PXDN: variants seen among roughly 807,000 people sequenced by gnomAD.
PXDN encodes peroxidasin.
Under a neutral mutation model 140.3 loss-of-function variants are expected in PXDN, and 77 were observed. The ratio of observed to expected loss-of-function variants is 0.55; its 90% CI spans 0.46 to 0.66. PXDN has a LOEUF of 0.66. Ranked by LOEUF, PXDN falls within the 30% of genes least tolerant of loss-of-function variation. The pLI is 0.00. For missense variants in PXDN, 1,838 were observed against 2,039.5 expected (o/e 0.90, Z 1.90); for synonymous variants, 911 against 857.4 (o/e 1.06, Z -1.09).
At chr2:1,665,548 C>T (rs1208131718) in intron 10 of PXDN, among the ~76,000 whole-genome samples, 2 of 152,062 alleles carry the variant, frequency 1.3e-5, no homozygotes, top group East Asian at 1.9e-4. Flanking sequence ...GTAACAGCCA[C>T]AAAAAAAGTA....
intron 1 of PXDN, among the ~76,000 whole-genome samples, chr2:1,706,567 T>C (rs1416126667): frequency 7.1e-6 from 1 of 140,562 alleles, no homozygotes; most frequent in Non-Finnish European, 1.5e-5. Flanking sequence ...CCACTAATAA[T>C]ACAATCTGAG....
At chr2:1,712,418 A>C (rs2125471476) in intron 1 of PXDN, among the ~76,000 whole-genome samples, 1 of 152,340 alleles carries the variant, frequency 6.6e-6, no homozygotes, top group African/African-American at 2.4e-5. Context: ...TACTGGGTTC[A>C]ACTTTTTATA....
At chr2:1,659,596 G>A (rs908323672) in intron 14 of PXDN, among the ~76,000 whole-genome samples, 2 of 152,066 alleles carry the variant, frequency 1.3e-5, no homozygotes, top group African/African-American at 4.8e-5. Context: ...GGAATTACGG[G>A]TGGACGATTA....
At chr2:1,688,868 G>A (rs1023983307) in intron 3 of PXDN, among the ~76,000 whole-genome samples, 10 of 149,210 alleles carry the variant, frequency 6.7e-5, no homozygotes, top group African/African-American at 1.7e-4. Flanking sequence ...CAGAAGGGCC[G>A]AGTGTTTGAT....
At chr2:1,700,603 A>C (rs567446888) in intron 1 of PXDN, among the ~76,000 whole-genome samples, 1 of 152,306 alleles carries the variant, frequency 6.6e-6, no homozygotes, top group East Asian at 1.9e-4. Flanking sequence ...CACACAGGAT[A>C]CAGCAACACA....
chr2:1,691,982 T>C lies in PXDN; in HGVS notation c.290A>G (p.Gln97Arg). 6.6e-7 allele frequency: 1 copy of C among 1,524,632 alleles called. No homozygotes were observed. The highest frequency in any genetic ancestry group is 8.8e-7 in the Non-Finnish European group (1 of 1,130,858). The allele number at this position is 1,524,632 out of a possible 1,614,324, so 94.4% of individuals were successfully genotyped here. The change falls in exon 3 of 23, where the codon CAG becomes CGG. Residue 97 changes from glutamine (Q) to arginine (R), a missense_variant. This residue lies in a region of PXDN where 231 missense variants were observed against 201.5 expected (regional missense o/e 1.15). Coordinates refer to ENST00000252804, the MANE Select transcript of PXDN (RefSeq NM_012293.3). The part of the protein sequence containing the change: ...NLNTLLLNNN[Q>R]IKRIPSGAFE... ...TGCTCCACTAGGTATCCTCTTGATCTGATTATTATTGAGAAGCCTATGAAA... is the reference window on the plus strand; with the variant it reads ...TGCTCCACTAGGTATCCTCTTGATCCGATTATTATTGAGAAGCCTATGAAA...
At chr2:1,712,906 A>G (rs1189799906) in intron 1 of PXDN, among the ~76,000 whole-genome samples, 1 of 152,030 alleles carries the variant, frequency 6.6e-6, no homozygotes, top group Non-Finnish European at 1.5e-5. Context: ...TTGTATTTTT[A>G]GTAGAGATGA....
At chr2:1,738,499 T>C (rs1227049404) in intron 1 of PXDN, among the ~76,000 whole-genome samples, 1 of 152,196 alleles carries the variant, frequency 6.6e-6, no homozygotes, top group Non-Finnish European at 1.5e-5. Flanking sequence ...CAGAAAGGTA[T>C]TTATCTCATA....
In PXDN at chr2:1,654,461, C is replaced by T. The variant is rs770134392; in HGVS notation, c.1885G>A (p.Val629Met). ...CTGTCAACAGTCGCAATCGCTTCCA[C>T]GATGGAGGTAGCTACAAACGGATCT... ...NGDPFVATSI[V>M]EAIATVDRAI... The change falls in exon 15 of 23, where the codon GTG (valine) becomes ATG (methionine). Residue 629 changes from valine (V) to methionine (M), a missense_variant. Transcript: ENST00000252804. 1.6e-5 allele frequency: 26 copies of T among 1,613,758 alleles called. No individual in the cohort carries two copies. Among genetic ancestry groups the T allele is most frequent in the East Asian group, 2.2e-5 (1 of 44,874 alleles).
intron 1 of PXDN, among the ~76,000 whole-genome samples, chr2:1,740,367 G>A (rs1685514334): frequency 6.6e-6 from 1 of 152,156 alleles, no homozygotes; most frequent in Admixed American, 6.5e-5. Context: ...ATGAACCTCG[G>A]GACCCATGTG....
intron 19 of PXDN, among the ~76,000 whole-genome samples, 156 bp downstream of exon 19, chr2:1,643,212 T>G (rs1450071733): frequency 6.6e-6 from 1 of 152,208 alleles, no homozygotes; most frequent in Non-Finnish European, 1.5e-5. Context: ...CCGCAGTCCA[T>G]CTCAGCATGG....
At chr2:1,692,193 G>A (rs1002292553) in intron 2 of PXDN, among the ~76,000 whole-genome samples, 194 bp from the exon 3 acceptor site, 1 of 152,272 alleles carries the variant, frequency 6.6e-6, no homozygotes, top group African/African-American at 2.4e-5. Context: ...AGAAAACGTT[G>A]CTGAGCAATG....
In PXDN at chr2:1,649,688, G is replaced by GAA. The variant is rs761191752; in HGVS notation, c.2105-15_2105-14dup. On this transcript the variant is annotated splice_polypyrimidine_tract_variant and intron_variant, in intron 16 of 22. Transcript: ENST00000252804. The surrounding 1 kb of genome is among the most constrained non-coding windows in gnomAD (Gnocchi z 7.1). Reference sequence around the variant, plus strand: ...TTGTAGTGGTAACCTGGGACGTGGAGAAAAGCAAGACGCACTCAATTCCCC... The same window carrying GAA: ...TTGTAGTGGTAACCTGGGACGTGGAGAAAAAAGCAAGACGCACTCAATTCCCC... The GAA allele has an allele frequency of 6.2e-7, 1 of 1,613,280 alleles. No individual in the cohort carries two copies. Among genetic ancestry groups the GAA allele is most frequent in the South Asian group, 1.1e-5 (1 of 90,998 alleles).
rs144290842 is a variant in PXDN at position 1,659,550 on chromosome 2, C to A, written c.1837+1331G>T. Among the ~76,000 whole-genome samples the A allele has an allele frequency of 1.4e-4, 22 of 152,176 alleles. 2 individuals are homozygous for A. Among genetic ancestry groups the A allele is most frequent in the Admixed American group, 5.2e-4 (8 of 15,286 alleles). ...ACCTTTTTATAAAAGGAAAAGGAAT[C>A]CAACCATAATATTAATGATGGTATT... On this transcript the variant is annotated intron_variant, in intron 14 of 22. Coordinates refer to ENST00000252804, the MANE Select transcript of PXDN (RefSeq NM_012293.3).
intron 7 of PXDN, among the ~76,000 whole-genome samples, chr2:1,679,793 GGT>G (rs1278121120): frequency 7.2e-6 from 1 of 138,394 alleles, no homozygotes; most frequent in Admixed American, 7.4e-5. Context: ...GTCTATAAAT[GGT>G]GTGTGTAAAT....
At chr2:1,671,308 T>A (rs535037024) in intron 9 of PXDN, among the ~76,000 whole-genome samples, 14 of 152,308 alleles carry the variant, frequency 9.2e-5, no homozygotes, top group African/African-American at 3.1e-4. Flanking sequence ...TAGAAAAGTT[T>A]GGACAAACAG....
At chr2:1,693,166 GA>G (rs1166103714) in intron 1 of PXDN, 32 bp from the exon 2 acceptor site, 17 of 1,478,528 alleles carry the variant, frequency 1.1e-5, no homozygotes, top group South Asian at 2.6e-5. Context: ...ATTATTACGT[GA>G]AAAAAAATCT....
At chr2:1,661,138 A>C in intron 13 of PXDN, 101 bp from the exon 14 acceptor site, 1 of 1,403,114 alleles carries the variant, frequency 7.1e-7, no homozygotes, top group Non-Finnish European at 9.8e-7. Context: ...TAGGATTTGC[A>C]AATGGAGAAG....
chr2:1,669,260 T>C (rs1042948763), intron 9 of PXDN, among the ~76,000 whole-genome samples: 5 of 151,934 alleles, frequency 3.3e-5, no homozygotes, highest in Non-Finnish European at 7.4e-5. Context: ...TGAGAACCCA[T>C]GGACACAGGG....
Sources: allele counts gnomAD v4.1 joint callset (sites outside exome capture counted in the v4.1 genomes callset), GRCh38; gene constraint gnomAD v4.1.1; regional missense constraint gnomAD v4.1.1; non-coding constraint Gnocchi (gnomAD v3.1); transcripts MANE v1.5; gene names NCBI Gene and HGNC (gene_info 2026-07-23, HGNC 2026-07-21).